CSTPP1: variants seen among roughly 807,000 people sequenced by gnomAD.
The protein encoded by CSTPP1 is centriolar satellite-associated tubulin polyglutamylase complex regulator 1, also known as UPF0705 protein C11orf49.
At chr11:46,990,941 G>C in the CSTPP1 span, among the ~76,000 whole-genome samples, 25 of 152,124 alleles carry the variant, frequency 1.6e-4, no homozygotes, top group Non-Finnish European at 3.1e-4. Flanking sequence ...ATTGTTTTAA[G>C]TGTGTGCTTT....
chr11:47,093,368 G>C, the CSTPP1 span, among the ~76,000 whole-genome samples: 1 of 152,104 alleles, frequency 6.6e-6, no homozygotes, highest in Non-Finnish European at 1.5e-5. Context: ...AAGAACAGAG[G>C]CTATAATGAA....
the CSTPP1 span, among the ~76,000 whole-genome samples, chr11:47,151,618 T>C: frequency 6.6e-6 from 1 of 151,336 alleles, no homozygotes; most frequent in African/African-American, 2.4e-5. Context: ...TTCCAGGATG[T>C]CTAGTATGCC....
the CSTPP1 span, among the ~76,000 whole-genome samples, chr11:47,039,406 A>G: frequency 4.7e-5 from 6 of 127,122 alleles, 1 homozygote; most frequent in Non-Finnish European, 1.1e-4. Flanking sequence ...GAGGCAGGAG[A>G]ATCAGGCAGC....
At chr11:46,969,355 CAG>C in the CSTPP1 span, among the ~76,000 whole-genome samples, 168 of 152,204 alleles carry the variant, frequency 1.1e-3, 2 homozygotes, top group African/African-American at 3.9e-3. Flanking sequence ...TTTTATATAA[CAG>C]AAGATGGATA....
At chr11:47,129,459 C>T in the CSTPP1 span, among the ~76,000 whole-genome samples, 1 of 152,172 alleles carries the variant, frequency 6.6e-6, no homozygotes, top group African/African-American at 2.4e-5. Context: ...GCACTGGTGC[C>T]TCCTTCCACA....
At chr11:47,113,741 A>G in the CSTPP1 span, among the ~76,000 whole-genome samples, 1 of 152,052 alleles carries the variant, frequency 6.6e-6, no homozygotes, top group East Asian at 1.9e-4. Flanking sequence ...TAGATTCTGG[A>G]TATTAGCCCT....
chr11:47,048,850 TAAA>T, the CSTPP1 span, among the ~76,000 whole-genome samples: 7 of 152,186 alleles, frequency 4.6e-5, no homozygotes, highest in Non-Finnish European at 7.4e-5. Context: ...TTTACCACAT[TAAA>T]AAAGTTTTCC....
chr11:47,006,845 C>T, the CSTPP1 span, among the ~76,000 whole-genome samples: 137 of 150,650 alleles, frequency 9.1e-4, no homozygotes, highest in African/African-American at 3.1e-3. Flanking sequence ...TCCTGCCTCG[C>T]CCTCCCAAAG....
chr11:47,036,225 TATATA>T, the CSTPP1 span, among the ~76,000 whole-genome samples: 7,483 of 58,448 alleles, frequency 0.13, 1,773 homozygotes, highest in Non-Finnish European at 0.2. Flanking sequence ...ATATATAATA[TATATA>T]ATATATTATA....
chr11:47,092,035 C>T, the CSTPP1 span, among the ~76,000 whole-genome samples: 1 of 152,174 alleles, frequency 6.6e-6, no homozygotes, highest in Non-Finnish European at 1.5e-5. Flanking sequence ...AATACATATC[C>T]CATATTACTG....
At chr11:46,958,943 C>T in the CSTPP1 span, among the ~76,000 whole-genome samples, 1 of 152,174 alleles carries the variant, frequency 6.6e-6, no homozygotes, top group East Asian at 1.9e-4. Flanking sequence ...GGTGAATCTT[C>T]TTTATTCAAT....
chr11:46,974,068 A>T, the CSTPP1 span, among the ~76,000 whole-genome samples: 5 of 152,098 alleles, frequency 3.3e-5, no homozygotes, highest in Non-Finnish European at 5.9e-5. Context: ...CTACCAAAAA[A>T]CAAAAACAAA....
At chr11:46,998,264 C>G in the CSTPP1 span, among the ~76,000 whole-genome samples, 1 of 152,098 alleles carries the variant, frequency 6.6e-6, no homozygotes, top group Admixed American at 6.5e-5. Context: ...GCCTTGCACT[C>G]CAAAAGTGAA....
chr11:47,083,409 G>A, the CSTPP1 span, among the ~76,000 whole-genome samples: 1 of 152,128 alleles, frequency 6.6e-6, no homozygotes, highest in African/African-American at 2.4e-5. Context: ...TGCTGCTGTG[G>A]ATGTTTGTAT....
At chr11:46,954,506 A>T in the CSTPP1 span, among the ~76,000 whole-genome samples, 3 of 151,934 alleles carry the variant, frequency 2.0e-5, no homozygotes, top group Non-Finnish European at 4.4e-5. Context: ...CCGAGATCGT[A>T]CCACTGCACT....
At chr11:47,050,156 CAAT>C in the CSTPP1 span, among the ~76,000 whole-genome samples, 35 of 152,094 alleles carry the variant, frequency 2.3e-4, 1 homozygote, top group Middle Eastern at 3.4e-3. Flanking sequence ...GCTGGTATTG[CAAT>C]ATTATAATAA....
At chr11:47,130,495 G>A in the CSTPP1 span, among the ~76,000 whole-genome samples, 1 of 152,180 alleles carries the variant, frequency 6.6e-6, no homozygotes, top group African/African-American at 2.4e-5. Flanking sequence ...GCTGCCAGAG[G>A]AGATAAAATT....
At chr11:47,002,729 C>T in the CSTPP1 span, among the ~76,000 whole-genome samples, 1 of 145,196 alleles carries the variant, frequency 6.9e-6, no homozygotes, top group African/African-American at 2.4e-5. Context: ...GAAGTGTTCT[C>T]AAGCCCCAAT....
chr11:47,050,362 G>A, the CSTPP1 span, among the ~76,000 whole-genome samples: 1 of 152,142 alleles, frequency 6.6e-6, no homozygotes, highest in Non-Finnish European at 1.5e-5. Flanking sequence ...ATATAGTAGA[G>A]GCAAAGATGA....
Sources: allele counts gnomAD v4.1 joint callset (sites outside exome capture counted in the v4.1 genomes callset), GRCh38; gene constraint gnomAD v4.1.1; transcripts MANE v1.5; gene names NCBI Gene and HGNC (gene_info 2026-07-23, HGNC 2026-07-21).